PTPRD: variants seen among roughly 807,000 people sequenced by gnomAD.
PTPRD encodes receptor-type tyrosine-protein phosphatase delta.
Under a neutral mutation model 214.5 loss-of-function variants are expected in PTPRD, and 34 were observed. The observed-to-expected ratio is 0.16, with a 90% CI of 0.12 to 0.21. PTPRD has a LOEUF of 0.21. PTPRD is among the 10% of genes least tolerant of loss of function. The pLI is 1.00. For missense variants in PTPRD, 2,545 were observed against 2,398.7 expected, an observed-to-expected ratio of 1.06 and a Z score of -1.27; for synonymous variants, 1,128 against 845.7, an observed-to-expected ratio of 1.33 and a Z score of -5.79.
chr9:9,264,749 C>A (rs1938317611), intron 9 of PTPRD, among the ~76,000 whole-genome samples: 1 of 151,374 alleles, frequency 6.6e-6, no homozygotes, highest in South Asian at 2.1e-4. Context: ...ATAAAACTGT[C>A]AAAAATCAAA....
rs182061885 is a variant in PTPRD at position 9,191,885 on chromosome 9, T to C, written c.-202-8522A>G. The stretch of plus-strand genomic sequence containing the variant: ...ATACTGGAATGTTGGGGGTATTTTG[T>C]GTCTCTTTGATTTTTGCAAACAACA... On this transcript the variant is annotated intron_variant, in intron 9 of 45. Coordinates refer to ENST00000381196, the MANE Select transcript of PTPRD (RefSeq NM_002839.4). Among the ~76,000 whole-genome samples the C allele has an allele frequency of 1.1e-4, 17 of 152,232 alleles. No individual in the cohort carries two copies. In the East Asian group the frequency reaches 3.1e-3, roughly 28 times the overall value.
At chr9:8,969,200 T>C (rs947002302) in intron 11 of PTPRD, among the ~76,000 whole-genome samples, 1 of 152,058 alleles carries the variant, frequency 6.6e-6, no homozygotes, top group African/African-American at 2.4e-5. Flanking sequence ...ACTCATGGTA[T>C]TAACGAAAAT....
intron 3 of PTPRD, among the ~76,000 whole-genome samples, chr9:10,306,208 T>C (rs546034732): frequency 1.9e-4 from 23 of 122,896 alleles, no homozygotes; most frequent in African/African-American, 5.8e-4. Flanking sequence ...CACTCATAAG[T>C]GGGAGTTGAA....
At chr9:10,228,143 G>C (rs1376983632) in intron 3 of PTPRD, among the ~76,000 whole-genome samples, 1 of 94,254 alleles carries the variant, frequency 1.1e-5, no homozygotes, top group African/African-American at 2.8e-5. Flanking sequence ...CAAAGTTCTA[G>C]ATACTTCATT....
At chr9:9,875,149 C>G (rs973491603) in intron 5 of PTPRD, among the ~76,000 whole-genome samples, 1 of 151,794 alleles carries the variant, frequency 6.6e-6, no homozygotes, top group African/African-American at 2.4e-5. Context: ...GTCAGTTTAC[C>G]CCAATGTTCT....
intron 11 of PTPRD, among the ~76,000 whole-genome samples, chr9:8,916,036 C>G (rs1001712013): frequency 2.6e-5 from 4 of 152,126 alleles, no homozygotes; most frequent in Admixed American, 6.6e-5. Flanking sequence ...ATTCACTAAG[C>G]TGGAGAACAC....
chr9:9,286,818 TG>T (rs1595178620), intron 9 of PTPRD, among the ~76,000 whole-genome samples: 1 of 139,480 alleles, frequency 7.2e-6, no homozygotes, highest in Non-Finnish European at 1.5e-5. Context: ...GAAAAAATGA[TG>T]CTCAAAAAAT....
chr9:8,993,465 C>T (rs183066621), intron 11 of PTPRD, among the ~76,000 whole-genome samples: 3 of 152,076 alleles, frequency 2.0e-5, no homozygotes, highest in Non-Finnish European at 1.5e-5. Context: ...ATTAACAATT[C>T]TGTTGAAAAT....
intron 8 of PTPRD, among the ~76,000 whole-genome samples, chr9:9,425,412 TA>T (rs2080454152): frequency 1.2e-4 from 6 of 49,884 alleles, no homozygotes; most frequent in Admixed American, 1.2e-3. Context: ...TAATATAAAA[TA>T]TATAATATTA....
chr9:10,589,648 A>T (rs2074913754), intron 2 of PTPRD, among the ~76,000 whole-genome samples: 1 of 152,044 alleles, frequency 6.6e-6, no homozygotes, highest in South Asian at 2.1e-4. Context: ...AAAGAGGATA[A>T]AACCTTTGAC....
At chr9:9,212,810 A>G (rs2099949637) in intron 9 of PTPRD, among the ~76,000 whole-genome samples, 1 of 152,126 alleles carries the variant, frequency 6.6e-6, no homozygotes, top group South Asian at 2.1e-4. Context: ...CAACCATTAC[A>G]TAGTTTCTAT....
chr9:10,410,251 G>GTATATATATATATATATATA, intron 2 of PTPRD, among the ~76,000 whole-genome samples: 1 of 31,556 alleles, frequency 3.2e-5, no homozygotes, highest in Non-Finnish European at 8.8e-5. Context: ...GACATATTTT[G>GTATATATATATATATATATA]TGTATATATA....
chr9:8,487,293 G>A (rs999443473), intron 27 of PTPRD, among the ~76,000 whole-genome samples: 1 of 152,132 alleles, frequency 6.6e-6, no homozygotes, highest in Non-Finnish European at 1.5e-5. Context: ...CTTTAAGTTA[G>A]ATATGTGAAA....
At chr9:10,553,346 A>AT (rs35758149) in intron 2 of PTPRD, among the ~76,000 whole-genome samples, 27,295 of 146,472 alleles carry the variant, frequency 0.19, 2,755 homozygotes, top group Admixed American at 0.28. Context: ...AACAATCTTT[A>AT]TTTTTTTTTT....
chr9:10,203,270 G>A (rs938114658), intron 3 of PTPRD, among the ~76,000 whole-genome samples: 6 of 151,204 alleles, frequency 4.0e-5, no homozygotes, highest in Non-Finnish European at 7.4e-5. Context: ...CACACAGGAA[G>A]CACTCAATAA....
At chr9:9,864,649 G>T (rs2063542051) in intron 5 of PTPRD, among the ~76,000 whole-genome samples, 1 of 151,988 alleles carries the variant, frequency 6.6e-6, no homozygotes, top group African/African-American at 2.4e-5. Context: ...ATCTTATGTA[G>T]CTGGGACCAC....
intron 2 of PTPRD, among the ~76,000 whole-genome samples, chr9:10,448,789 A>C (rs1338105598): frequency 5.3e-5 from 8 of 151,988 alleles, no homozygotes; most frequent in African/African-American, 1.9e-4. Flanking sequence ...CAACGCATCA[A>C]ATCACACTCA....
intron 2 of PTPRD, among the ~76,000 whole-genome samples, chr9:10,582,594 G>C (rs1194668030): frequency 6.6e-6 from 1 of 152,158 alleles, no homozygotes; most frequent in East Asian, 1.9e-4. Flanking sequence ...GGGATGACTA[G>C]CCATCTAACC....
At position 8,433,141 on chromosome 9, in the gene PTPRD, C is replaced by A. The variant is rs1364491885; in HGVS notation, c.4086+3451G>T. ...TCCACAACAAACCACAAATAAGAGA[C>A]TGATCCATAAAACTATAACAGATCT... On this transcript the variant is annotated intron_variant, in intron 35 of 45. Coordinates refer to ENST00000381196, the MANE Select transcript of PTPRD (RefSeq NM_002839.4). 2.0e-5 allele frequency among the ~76,000 whole-genome samples: 3 copies of A among 152,146 alleles called. 1 individual carries two copies. In the South Asian group the frequency reaches 6.2e-4, roughly 32 times the overall value.
Sources: allele counts gnomAD v4.1 joint callset (sites outside exome capture counted in the v4.1 genomes callset), GRCh38; gene constraint gnomAD v4.1.1; transcripts MANE v1.5; gene names NCBI Gene and HGNC (gene_info 2026-07-23, HGNC 2026-07-21).